SUPT3H: variants seen among roughly 807,000 people sequenced by gnomAD.
SUPT3H encodes the protein SPT3 homolog, SAGA and STAGA complex component, also known as transcription initiation protein SPT3 homolog.
In SUPT3H, 44 loss-of-function variants were observed where a neutral mutation model predicts 44.3. The observed-to-expected ratio is 0.99, with a 90% CI of 0.78 to 1.28. SUPT3H has a LOEUF of 1.28. Ranked by LOEUF, SUPT3H falls within the 50% of genes most tolerant of loss-of-function variation. The pLI is 0.00. For missense variants in SUPT3H, 380 were observed against 387.1 expected (o/e 0.98, Z 0.15); for synonymous variants, 124 against 125.6 (o/e 0.99, Z 0.09).
intron 2 of SUPT3H, among the ~76,000 whole-genome samples, chr6:45,123,370 A>T (rs1284995): frequency 1.3e-5 from 2 of 150,532 alleles, no homozygotes; most frequent in Non-Finnish European, 3.0e-5. Context: ...TGTATCATTT[A>T]TTTCTTTTTT....
intron 11 of SUPT3H, among the ~76,000 whole-genome samples, chr6:44,815,102 G>A (rs1348549748): frequency 6.6e-6 from 1 of 152,154 alleles, no homozygotes; most frequent in Non-Finnish European, 1.5e-5. Flanking sequence ...GTGTGCATGT[G>A]TGTATTAAAA....
chr6:44,969,343 T>C (rs1304295326), intron 6 of SUPT3H, among the ~76,000 whole-genome samples: 2 of 152,188 alleles, frequency 1.3e-5, no homozygotes, highest in African/African-American at 4.8e-5. Context: ...ATACTTTTGA[T>C]AGTATTTATC....
chr6:45,269,123 T>C (rs938960928), intron 2 of SUPT3H, among the ~76,000 whole-genome samples: 1 of 152,140 alleles, frequency 6.6e-6, no homozygotes, highest in Non-Finnish European at 1.5e-5. Context: ...CAGCACATAC[T>C]AAAATATGTT....
chr6:44,953,259 A>G (rs1774589647), intron 9 of SUPT3H, 51 bp downstream of exon 9: 1 of 1,360,132 alleles, frequency 7.4e-7, no homozygotes, highest in Non-Finnish European at 1.0e-6. Flanking sequence ...TAAATACCAG[A>G]TATGTGTCAA....
At chr6:44,957,989 A>G (rs1775459628) in intron 7 of SUPT3H, among the ~76,000 whole-genome samples, 1 of 152,132 alleles carries the variant, frequency 6.6e-6, no homozygotes, top group African/African-American at 2.4e-5. Flanking sequence ...CAAAAGAGGC[A>G]CAGATACCTG....
chr6:45,158,288 A>T (rs1354991709), intron 2 of SUPT3H, among the ~76,000 whole-genome samples: 2 of 39,672 alleles, frequency 5.0e-5, no homozygotes, highest in East Asian at 5.3e-4. Flanking sequence ...ATATATATAT[A>T]TATATATATA....
chr6:45,087,090 T>C (rs950100825), intron 3 of SUPT3H, among the ~76,000 whole-genome samples: 1 of 151,980 alleles, frequency 6.6e-6, no homozygotes, highest in Non-Finnish European at 1.5e-5. Flanking sequence ...TACAAGTCTT[T>C]TGTAACCTTG....
chr6:45,213,746 T>A (rs1331693991), intron 2 of SUPT3H, among the ~76,000 whole-genome samples: 1 of 152,030 alleles, frequency 6.6e-6, no homozygotes, highest in Admixed American at 6.5e-5. Context: ...TAGAAAAAAA[T>A]CTAAATTTTT....
intron 9 of SUPT3H, among the ~76,000 whole-genome samples, chr6:44,942,636 T>C (rs1772643004): frequency 6.6e-6 from 1 of 152,140 alleles, no homozygotes; most frequent in African/African-American, 2.4e-5. Context: ...TCTCACTATG[T>C]CCGGGCTAGT....
At chr6:45,224,566 T>A (rs1270571965) in intron 2 of SUPT3H, among the ~76,000 whole-genome samples, 5 of 152,026 alleles carry the variant, frequency 3.3e-5, no homozygotes, top group African/African-American at 4.8e-5. Flanking sequence ...GATCAAGAGG[T>A]CAGGAGTTCG....
At chr6:44,864,726 T>C (rs1345800870) in intron 10 of SUPT3H, among the ~76,000 whole-genome samples, 1 of 152,062 alleles carries the variant, frequency 6.6e-6, no homozygotes, top group African/African-American at 2.4e-5. Context: ...GCACACAGCG[T>C]GGGGACCCTG....
At chr6:44,950,778 C>A (rs1774162555) in intron 9 of SUPT3H, among the ~76,000 whole-genome samples, 1 of 149,994 alleles carries the variant, frequency 6.7e-6, no homozygotes, top group Admixed American at 6.6e-5. Flanking sequence ...ATCCACTGTA[C>A]ATGGCACTAC....
chr6:45,371,006 A>G (rs1397090031), intron 1 of SUPT3H, among the ~76,000 whole-genome samples: 2 of 152,232 alleles, frequency 1.3e-5, no homozygotes, highest in African/African-American at 2.4e-5. Flanking sequence ...AATGGCACAT[A>G]GCACACTTAC....
At chr6:45,080,692 G>A (rs1345253922) in intron 3 of SUPT3H, among the ~76,000 whole-genome samples, 2 of 152,068 alleles carry the variant, frequency 1.3e-5, no homozygotes, top group Non-Finnish European at 2.9e-5. Context: ...GACTTCACTT[G>A]TTCTCACTTA....
chr6:44,999,532 C>T (rs562110644), intron 6 of SUPT3H, among the ~76,000 whole-genome samples: 28 of 152,172 alleles, frequency 1.8e-4, no homozygotes, highest in Admixed American at 1.6e-3. Context: ...GCTACAGCCC[C>T]ACCAAACCTC....
In SUPT3H at chr6:44,905,849, A is replaced by G. The variant is rs1262041829; in HGVS notation, c.912+26804T>C. 9.2e-5 allele frequency among the ~76,000 whole-genome samples: 14 copies of G among 152,338 alleles called. 1 individual carries two copies. The East Asian group carries it at 2.7e-3, about 29-fold the overall frequency. On this transcript the variant is annotated intron_variant, in intron 10 of 10. Transcript: ENST00000371459. ...CCACGGAATACTATGCAGCCATAAA[A>G]AATGATGAGTGCATGTCCTTTGTAG... is the stretch of plus-strand genomic sequence containing the variant.
chr6:44,887,070 A>G (rs1008328664), intron 10 of SUPT3H, among the ~76,000 whole-genome samples: 2 of 152,206 alleles, frequency 1.3e-5, no homozygotes, highest in Non-Finnish European at 2.9e-5. Flanking sequence ...AGAGCTAACT[A>G]TACTAAATAT....
At chr6:45,077,892 T>C (rs926250684) in intron 3 of SUPT3H, among the ~76,000 whole-genome samples, 4 of 151,478 alleles carry the variant, frequency 2.6e-5, no homozygotes, top group Non-Finnish European at 1.5e-5. Context: ...TTTTGGAAAA[T>C]AAAGAATGGT....
intron 2 of SUPT3H, among the ~76,000 whole-genome samples, chr6:45,342,772 C>T (rs1689897515): frequency 6.6e-6 from 1 of 151,876 alleles, no homozygotes; most frequent in South Asian, 2.1e-4. Flanking sequence ...TTCCTGAACC[C>T]ATACAAAAAA....
Sources: allele counts gnomAD v4.1 joint callset (sites outside exome capture counted in the v4.1 genomes callset), GRCh38; gene constraint gnomAD v4.1.1; transcripts MANE v1.5; gene names NCBI Gene and HGNC (gene_info 2026-07-23, HGNC 2026-07-21).